The following DHRS4L2 variants were observed in gnomAD, a reference collection of about 807,000 sequenced individuals.
DHRS4L2 encodes the protein dehydrogenase/reductase SDR family member 4-like 2.
A neutral mutation model predicts 23.9 loss-of-function variants in DHRS4L2; 22 were observed. That is an observed-to-expected ratio of 0.92 (90% CI 0.66 to 1.31). The LOEUF (loss-of-function observed/expected upper bound fraction) is 1.31. Among genes scored for constraint, DHRS4L2 ranks in the 40% most tolerant of loss-of-function variants. DHRS4L2 has a pLI of 0.00. For missense variants in DHRS4L2, 385 were observed against 303.3 expected (o/e 1.27, Z -2.00); for synonymous variants, 141 against 123.7 (o/e 1.14, Z -0.93).
intron 1 of DHRS4L2, among the ~76,000 whole-genome samples, chr14:23,974,731 A>G (rs2033933546): frequency 6.6e-6 from 1 of 151,884 alleles, no homozygotes; most frequent in Non-Finnish European, 1.5e-5. Flanking sequence ...GACCAATAAC[A>G]GCTTCTGAAA....
intron 1 of DHRS4L2, among the ~76,000 whole-genome samples, chr14:23,989,716 G>A (rs1566494028): frequency 6.6e-6 from 1 of 151,702 alleles, no homozygotes; most frequent in South Asian, 2.1e-4. Flanking sequence ...TCTTCCCAAG[G>A]CAATATTTAC....
rs149046158 is a variant in DHRS4L2, at chr14:23,995,116, G to C, written c.391G>C (p.Glu131Gln). 1 of 1,612,806 alleles carries C rather than the reference G, an allele frequency of 6.2e-7. No homozygotes were observed. The highest frequency in any genetic ancestry group is 8.5e-7 in the Non-Finnish European group (1 of 1,179,388). The change falls in exon 3 of 8, where the codon GAG becomes CAG. Residue 131 changes from glutamate (E) to glutamine (Q), a missense_variant. Transcript: ENST00000335125. The stretch of plus-strand genomic sequence containing the variant: ...CTTTGGAAGCCTAATGGATGTCACC[G>C]AGGAGGTGTGGGACAAGGTGAGAGG... ...PFFGSLMDVT[E>Q]EVWDKTLDIN... is the part of the protein sequence containing the mutation.
In DHRS4L2 at chr14:23,994,906, C is replaced by T; in HGVS notation, c.307-126C>T. On this transcript the variant is annotated intron_variant, in intron 2 of 7. Transcript: ENST00000335125. ...TCAAGTGAGCCTCCCACCTTGGCCTCCCAAAGTGCTATGATTACAGGCATG... is the reference window on the plus strand; with the variant it reads ...TCAAGTGAGCCTCCCACCTTGGCCTTCCAAAGTGCTATGATTACAGGCATG... 6 of 1,211,632 alleles carry T rather than the reference C, an allele frequency of 5.0e-6. 1 individual carries two copies. The highest frequency in any genetic ancestry group is 7.1e-6 in the Non-Finnish European group (6 of 847,252). 75.1% of individuals were successfully genotyped at this position (1,211,632 alleles called of 1,614,324 possible).
chr14:23,988,887 CT>C, upstream of DHRS4L2: 2 of 1,590,776 alleles, frequency 1.3e-6, no homozygotes, highest in South Asian at 2.2e-5. Flanking sequence ...CGTCCTGCCC[CT>C]TCGCCCTACT....
At chr14:23,977,921 C>A (rs539718643) in intron 1 of DHRS4L2, among the ~76,000 whole-genome samples, 46 of 151,660 alleles carry the variant, frequency 3.0e-4, no homozygotes, top group South Asian at 6.2e-4. Flanking sequence ...ATGTGCCAAC[C>A]TTGTACAAAT....
At chr14:23,996,611 C>CT (rs2034387129) in intron 3 of DHRS4L2, among the ~76,000 whole-genome samples, 1 of 149,772 alleles carries the variant, frequency 6.7e-6, no homozygotes, top group South Asian at 2.2e-4. Context: ...TGGCTTCTTT[C>CT]TTTCTTTTTT....
intron 3 of DHRS4L2, among the ~76,000 whole-genome samples, chr14:23,995,397 G>C (rs189058424): frequency 3.3e-4 from 50 of 151,746 alleles, no homozygotes; most frequent in African/African-American, 1.1e-3. Flanking sequence ...TTCTTCCCTG[G>C]CATGCTCTTC....
chr14:23,976,647 A>G (rs2033972784), intron 1 of DHRS4L2, among the ~76,000 whole-genome samples: 1 of 151,894 alleles, frequency 6.6e-6, no homozygotes, highest in South Asian at 2.1e-4. Context: ...ATAAAGACAC[A>G]TACACACATA....
upstream of DHRS4L2, among the ~76,000 whole-genome samples, chr14:23,988,301 G>A (rs535566758): frequency 3.4e-5 from 5 of 148,488 alleles, no homozygotes; most frequent in African/African-American, 7.3e-5. Flanking sequence ...TCCCTTTGGC[G>A]AGGGATATGA....
intron 1 of DHRS4L2, among the ~76,000 whole-genome samples, chr14:23,974,913 T>C (rs933526535): frequency 6.6e-6 from 1 of 151,778 alleles, no homozygotes; most frequent in African/African-American, 2.4e-5. Context: ...GCCAGAATCA[T>C]CCGGATATCA....
chr14:23,999,367 A>AAAAC (rs2034443730), intron 3 of DHRS4L2, among the ~76,000 whole-genome samples: 3 of 116,772 alleles, frequency 2.6e-5, no homozygotes, highest in East Asian at 2.9e-4. Flanking sequence ...AAAAAAAAAA[A>AAAAC]AAAAAAACAA....
chr14:23,989,867 G>A (rs948727488), intron 1 of DHRS4L2, among the ~76,000 whole-genome samples: 1 of 151,764 alleles, frequency 6.6e-6, no homozygotes, highest in Non-Finnish European at 1.5e-5. Flanking sequence ...GGAAGTGGCT[G>A]CTGCTGCACA....
intron 1 of DHRS4L2, among the ~76,000 whole-genome samples, chr14:23,976,454 A>G (rs1396103272): frequency 6.6e-6 from 1 of 151,886 alleles, no homozygotes; most frequent in Non-Finnish European, 1.5e-5. Context: ...TCAGGAAACA[A>G]TAGAAGCTGG....
chr14:24,004,310 A>C, intron 6 of DHRS4L2, 27 bp from the exon 7 acceptor site: 1 of 1,570,314 alleles, frequency 6.4e-7, no homozygotes, highest in South Asian at 1.2e-5. Flanking sequence ...AAAAAAAAAC[A>C]TAAAGAGATT....
Position 23,988,956 on chromosome 14 carries a change from G to A in DHRS4L2, c.9G>A (p.Met3Ile). Reference sequence around the variant, plus strand: ...ACTTGCTGGTCTGATCCATGCAGATGGCCAGGCTGCTAGGCCTCTGTGCCT... The same window carrying A: ...ACTTGCTGGTCTGATCCATGCAGATAGCCAGGCTGCTAGGCCTCTGTGCCT... MQ[M>I]ARLLGLCAWA... The change falls in exon 1 of 8, where the codon ATG becomes ATA. Residue 3 changes from methionine to isoleucine, a missense_variant. Coordinates refer to ENST00000335125, the MANE Select transcript of DHRS4L2 (RefSeq NM_198083.4). 2 of 1,612,108 alleles carry A rather than the reference G, an allele frequency of 1.2e-6. No individual in the cohort carries two copies. Among genetic ancestry groups the A allele is most frequent in the Non-Finnish European group, 8.5e-7 (1 of 1,179,118 alleles).
chr14:23,973,323 C>T (rs2033900910), intron 1 of DHRS4L2, among the ~76,000 whole-genome samples: 1 of 151,998 alleles, frequency 6.6e-6, no homozygotes, highest in Non-Finnish European at 1.5e-5. Flanking sequence ...CTCGTGCTGG[C>T]CTGCAAGTGC....
Position 24,000,905 on chromosome 14 carries a change from G to T in DHRS4L2, c.451G>T (p.Ala151Ser), listed in dbSNP as rs772953007. Residue 151 changes from alanine to serine, a missense_variant, in exon 4 of 8, where the codon GCA becomes TCA. Transcript: ENST00000335125. ...NVKAPALMTKAVVPEMEKRGG... is the reference protein window; with the variant it reads ...NVKAPALMTKSVVPEMEKRGG... ...GAAGGCCCCAGCCCTGATGACAAAG[G>T]CAGTGGTGCCAGAAATGGAGAAACG... 3 of 1,611,104 alleles carry T rather than the reference G, an allele frequency of 1.9e-6. No individual in the cohort carries two copies. Among genetic ancestry groups the T allele is most frequent in the Non-Finnish European group, 2.5e-6 (3 of 1,179,222 alleles).
chr14:23,980,498 AAAAG>A (rs1299748225), intron 1 of DHRS4L2, among the ~76,000 whole-genome samples: 1 of 140,890 alleles, frequency 7.1e-6, no homozygotes, highest in African/African-American at 2.6e-5. Context: ...GAGACACAAC[AAAAG>A]AAAGAAAATT....
chr14:23,973,329 A>T (rs1301468051), intron 1 of DHRS4L2, among the ~76,000 whole-genome samples: 1 of 151,956 alleles, frequency 6.6e-6, no homozygotes, highest in Non-Finnish European at 1.5e-5. Context: ...CTGGCCTGCA[A>T]GTGCTGCGCA....
Sources: gnomAD v4.1 joint callset for allele counts (sites outside exome capture counted in the v4.1 genomes callset) on GRCh38, gnomAD v4.1.1 for gene constraint, MANE v1.5 for transcripts, NCBI Gene and HGNC (gene_info 2026-07-23, HGNC 2026-07-21) for gene names.